Variants in WNT5A observed in about 807,000 individuals in gnomAD.
The protein encoded by WNT5A is protein Wnt-5a.
In WNT5A, 9 loss-of-function variants were observed where a neutral mutation model predicts 42.1. That is an observed-to-expected ratio of 0.21 (90% CI 0.13 to 0.37). The LOEUF is 0.37. Among genes scored for constraint, WNT5A ranks in the 10% least tolerant of loss-of-function variants. The pLI, the probability that WNT5A is intolerant of heterozygous loss-of-function variation, is 1.00. For missense variants in WNT5A, 426 were observed against 534.0 expected, an observed-to-expected ratio of 0.80 and a Z score of 1.99; for synonymous variants, 210 against 210.0, an observed-to-expected ratio of 1.00 and a Z score of 0.00.
intron 2 of WNT5A, 92 bp from the exon 3 acceptor site, chr3:55,479,656 A>G (rs929379949): frequency 4.2e-6 from 6 of 1,445,056 alleles, no homozygotes; most frequent in Admixed American, 4.6e-5. Context: ...TTTTAAGCAC[A>G]CAGATGCTTT....
the WNT5A span, among the ~76,000 whole-genome samples, chr3:55,498,683 C>G: frequency 2.6e-5 from 4 of 152,170 alleles, no homozygotes; most frequent in Non-Finnish European, 5.9e-5. Context: ...TAGCTCCACC[C>G]CCTGACTTAA....
rs1310669406 is a variant in WNT5A at position 55,479,339 on chromosome 3, A to T, written c.366T>A (p.Ser122=). ...RWNCSTVDNT[S]VFGRVMQIGS... ...CTATCTGCATCACCCTGCCAAAAACAGAGGTGTTATCCACAGTGCTGCAGT... is the reference window on the plus strand; with the variant it reads ...CTATCTGCATCACCCTGCCAAAAACTGAGGTGTTATCCACAGTGCTGCAGT... The change falls in exon 3 of 5, where the codon TCT becomes TCA. Residue 122 remains serine (S), a synonymous_variant. Coordinates refer to ENST00000264634, the MANE Select transcript of WNT5A (RefSeq NM_003392.7). 1.3e-6 allele frequency: 2 copies of T among 1,586,686 alleles called. No individual in the cohort carries two copies. The highest frequency in any genetic ancestry group is 1.7e-6 in the Non-Finnish European group (2 of 1,163,616).
the WNT5A span, among the ~76,000 whole-genome samples, chr3:55,499,594 A>C: frequency 6.6e-6 from 1 of 152,202 alleles, no homozygotes; most frequent in African/African-American, 2.4e-5. Context: ...AAGTAAACTA[A>C]ATCCATTAGC....
At chr3:55,486,625 T>C (rs749052559) in intron 1 of WNT5A, among the ~76,000 whole-genome samples, 2 of 152,254 alleles carry the variant, frequency 1.3e-5, no homozygotes, top group Non-Finnish European at 2.9e-5. Context: ...TGAATCATTA[T>C]CCTGTTACTG....
chr3:55,486,876 T>G (rs2107007325), intron 1 of WNT5A, 104 bp downstream of exon 1: 13 of 831,110 alleles, frequency 1.6e-5, no homozygotes, highest in Non-Finnish European at 2.3e-5. Context: ...CTTCAGGCGG[T>G]TGGGGAAATG....
rs1249139557 is a variant in WNT5A, at chr3:55,469,259, GCCAA to G, written c.*829_*832del. On this transcript the variant is annotated 3_prime_UTR_variant, in exon 5 of 5. Coordinates refer to ENST00000264634, the MANE Select transcript of WNT5A (RefSeq NM_003392.7). ...ACAGGATATTTTCATTTATGTTCAAGCCAACCTCCCCAAACAAAAAAATCTAGTG... is the reference window on the plus strand; with the variant it reads ...ACAGGATATTTTCATTTATGTTCAAGCCTCCCCAAACAAAAAAATCTAGTG... 6.6e-6 allele frequency: 1 copy of G among 150,676 alleles called. No homozygotes were observed. Among genetic ancestry groups the G allele is most frequent in the Non-Finnish European group, 1.5e-5 (1 of 67,998 alleles). 9.3% of individuals were successfully genotyped at this position (150,676 alleles called of 1,614,324 possible).
chr3:55,477,207 A>C (rs1403895589), intron 3 of WNT5A, among the ~76,000 whole-genome samples: 1 of 152,228 alleles, frequency 6.6e-6, no homozygotes, highest in Non-Finnish European at 1.5e-5. Context: ...CATTCTCTTC[A>C]AATACACTCT....
chr3:55,492,359 T>A (rs898307458), upstream of WNT5A, among the ~76,000 whole-genome samples: 3 of 152,116 alleles, frequency 2.0e-5, no homozygotes, highest in Non-Finnish European at 2.9e-5. Flanking sequence ...TCACCTACCC[T>A]TTTGAGCCTC....
the WNT5A span, among the ~76,000 whole-genome samples, chr3:55,502,330 T>C: frequency 6.6e-6 from 1 of 152,258 alleles, no homozygotes; most frequent in Non-Finnish European, 1.5e-5. Flanking sequence ...GCAGGAATGC[T>C]AGCTTGCTAA....
rs2051165411 is a variant in WNT5A at position 55,467,499 on chromosome 3, A to G, written c.*2593T>C. 6.6e-6 allele frequency: 1 copy of G among 152,320 alleles called. No individual in the cohort carries two copies. 9.4% of individuals were successfully genotyped at this position (152,320 alleles called of 1,614,324 possible). A position where few individuals can be genotyped will look rare whatever the true frequency, so the allele number is the denominator to read the frequency against. ...TTCACCACTCTTTTATTACTTTGACATGTAGTCATCCTAAACTATCCGTCA... is the reference window on the plus strand; with the variant it reads ...TTCACCACTCTTTTATTACTTTGACGTGTAGTCATCCTAAACTATCCGTCA... On this transcript the variant is annotated 3_prime_UTR_variant, in exon 5 of 5. Transcript: ENST00000264634.
At chr3:55,480,189 A>G (rs1197341925) in intron 2 of WNT5A, among the ~76,000 whole-genome samples, 2 of 152,212 alleles carry the variant, frequency 1.3e-5, no homozygotes, top group Non-Finnish European at 2.9e-5. Flanking sequence ...AATACCCAGA[A>G]TGCCGTCAAA....
At chr3:55,470,587 T>C (rs1459447259) in intron 4 of WNT5A, 37 bp from the exon 5 acceptor site, 24 of 1,463,556 alleles carry the variant, frequency 1.6e-5, no homozygotes, top group East Asian at 7.4e-5. Context: ...CACACATTCA[T>C]GGAGGAGCCA....
Position 55,480,928 on chromosome 3 carries a change from G to A in WNT5A, c.7-10C>T, listed in dbSNP as rs1045703148. On this transcript the variant is annotated splice_polypyrimidine_tract_variant and intron_variant, in intron 1 of 4. Coordinates refer to ENST00000264634, the MANE Select transcript of WNT5A (RefSeq NM_003392.7). ...ATATTCCAATGGACTTCTGGAGAGG[G>A]AAGAAAGGAGCAGATGTTTATTGCC... The A allele has an allele frequency of 2.0e-6, 3 of 1,514,566 alleles. No individual in the cohort carries two copies. The highest frequency in any genetic ancestry group is 2.7e-6 in the Non-Finnish European group (3 of 1,129,050). 93.8% of individuals were successfully genotyped at this position (1,514,566 alleles called of 1,614,324 possible).
upstream of WNT5A, among the ~76,000 whole-genome samples, chr3:55,491,982 G>A (rs1262519410): frequency 6.6e-6 from 1 of 152,130 alleles, no homozygotes; most frequent in Non-Finnish European, 1.5e-5. Context: ...TGGCCTGTGG[G>A]GGGCAAAGGC....
At chr3:55,496,679 A>G in the WNT5A span, among the ~76,000 whole-genome samples, 1 of 152,208 alleles carries the variant, frequency 6.6e-6, no homozygotes, top group Non-Finnish European at 1.5e-5. Flanking sequence ...TAGTGGGAAC[A>G]TAAGCGCCTT....
In WNT5A at chr3:55,468,229, GT is replaced by G. The variant is rs1166832804; in HGVS notation, c.*1862del. ...GTACTGTCATTTCTAATAGGCATGG[GT>G]TTCCATTCTGCAGAATGAACTAAGA... On this transcript the variant is annotated 3_prime_UTR_variant, in exon 5 of 5. Coordinates refer to ENST00000264634, the MANE Select transcript of WNT5A (RefSeq NM_003392.7). The G allele has an allele frequency of 2.0e-5, 3 of 151,704 alleles. No individual in the cohort carries two copies. Among genetic ancestry groups the G allele is most frequent in the African/African-American group, 7.3e-5 (3 of 41,292 alleles). 9.4% of individuals were successfully genotyped at this position (151,704 alleles called of 1,614,324 possible).
chr3:55,475,995 A>C (rs1009866075), intron 3 of WNT5A, among the ~76,000 whole-genome samples: 1 of 152,192 alleles, frequency 6.6e-6, no homozygotes, highest in Admixed American at 6.5e-5. Context: ...AATACATGCA[A>C]GGAAAGGGGC....
At chr3:55,495,649 C>T in the WNT5A span, among the ~76,000 whole-genome samples, 496 of 152,190 alleles carry the variant, frequency 3.3e-3, 2 homozygotes, top group Non-Finnish European at 5.4e-3. Flanking sequence ...CTGCAATGAA[C>T]ATTTGGGAGT....
intron 1 of WNT5A, chr3:55,481,264 G>C: frequency 1.0e-6 from 1 of 1,001,608 alleles, no homozygotes; most frequent in South Asian, 4.6e-5. Flanking sequence ...AGTTGGTGCT[G>C]TGCTCAGTCC....
Sources: allele counts gnomAD v4.1 joint callset (sites outside exome capture counted in the v4.1 genomes callset), GRCh38; gene constraint gnomAD v4.1.1; transcripts MANE v1.5; gene names NCBI Gene and HGNC (gene_info 2026-07-23, HGNC 2026-07-21).